Variants in CHRNB4 observed in about 807,000 individuals in gnomAD.
CHRNB4 encodes the protein cholinergic receptor nicotinic beta 4 subunit.
CHRNB4 carries 23 observed loss-of-function variants against 40.4 expected under a neutral mutation model. The observed-to-expected ratio is 0.57, with a 90% CI of 0.41 to 0.81. CHRNB4 has a LOEUF of 0.81. Among genes scored for constraint, CHRNB4 ranks in the 30% least tolerant of loss-of-function variants. CHRNB4 has a pLI of 0.00. For synonymous variants in CHRNB4, 285 were observed against 274.4 expected (o/e 1.04, Z -0.38); for missense variants, 568 against 670.6 (o/e 0.85, Z 1.69).
chr15:78,636,915 G>A (rs928837336), intron 1 of CHRNB4, among the ~76,000 whole-genome samples: 2 of 152,250 alleles, frequency 1.3e-5, no homozygotes, highest in Non-Finnish European at 2.9e-5. Flanking sequence ...TTACAGTGCA[G>A]GGGAGCAGCC....
At chr15:78,626,383 TG>T (rs374986216) in intron 5 of CHRNB4, 27,483 of 77,190 alleles carry the variant, frequency 0.36, 3,120 homozygotes, top group East Asian at 0.55. Flanking sequence ...TGTGTGTGTG[TG>T]TTTCCCCCTT....
In CHRNB4 at chr15:78,640,929, T is replaced by C. The variant is rs906631683; in HGVS notation, c.55+150A>G. 3 of 905,482 alleles carry C rather than the reference T, an allele frequency of 3.3e-6. No homozygotes were observed. The African/African-American group carries it at 5.3e-5, about 16-fold the overall frequency. The allele number at this position is 905,482 out of a possible 1,614,324, so 56.1% of individuals were successfully genotyped here. ...GCCCCCGCTGCCTCAGCGAGTGGGC[T>C]CAGCCCTGCCCACGCCCCCATCTGG... On this transcript the variant is annotated intron_variant, in intron 1 of 5. Coordinates refer to ENST00000261751, the MANE Select transcript of CHRNB4 (RefSeq NM_000750.5).
intron 2 of CHRNB4, among the ~76,000 whole-genome samples, chr15:78,657,685 C>G (rs1194012581): frequency 6.6e-6 from 1 of 152,022 alleles, no homozygotes; most frequent in Non-Finnish European, 1.5e-5. Flanking sequence ...TCCCAAGTAG[C>G]TGGGACTACA....
rs1430333419 is a variant in CHRNB4 at position 78,635,572 on chromosome 15, G to A, written c.71C>T (p.Ala24Val). The A allele has an allele frequency of 6.2e-7, 1 of 1,614,074 alleles. No homozygotes were observed. Among genetic ancestry groups the A allele is most frequent in the Non-Finnish European group, 8.5e-7 (1 of 1,179,994 alleles). Reference sequence around the variant, plus strand: ...GTCCATCAGCTTTTCCTCCGCATTGGCCACGCGGCAGTTCCCTGAGAAAAC... The same window carrying A: ...GTCCATCAGCTTTTCCTCCGCATTGACCACGCGGCAGTTCCCTGAGAAAAC... ...ALCGRGNCRV[A>V]NAEEKLMDDL... Residue 24 changes from alanine to valine, a missense_variant, in exon 2 of 6, where the codon GCC becomes GTC. By Grantham distance (64) the Ala-to-Val change is moderately conservative. Coordinates refer to ENST00000261751, the MANE Select transcript of CHRNB4 (RefSeq NM_000750.5).
chr15:78,645,004 GAC>G (rs1291051363), upstream of CHRNB4, among the ~76,000 whole-genome samples: 1 of 152,090 alleles, frequency 6.6e-6, no homozygotes, highest in African/African-American at 2.4e-5. Context: ...ATCCTGGAGA[GAC>G]TGTTCCTCCC....
At chr15:78,637,331 G>A (rs1277958487) in intron 1 of CHRNB4, among the ~76,000 whole-genome samples, 1 of 152,216 alleles carries the variant, frequency 6.6e-6, no homozygotes, top group East Asian at 1.9e-4. Context: ...CAGGGAGAAT[G>A]TGTAAAGCAT....
chr15:78,645,317 C>T (rs897321836), upstream of CHRNB4, among the ~76,000 whole-genome samples: 1 of 152,150 alleles, frequency 6.6e-6, no homozygotes, highest in African/African-American at 2.4e-5. Context: ...CACATTTCCC[C>T]CCAGCTCCCT....
chr15:78,638,916 T>C (rs911293977), intron 1 of CHRNB4, among the ~76,000 whole-genome samples: 3 of 152,156 alleles, frequency 2.0e-5, no homozygotes, highest in African/African-American at 7.2e-5. Flanking sequence ...AAGCCGCCAC[T>C]AGGGGTCAGT....
intron 6 of CHRNB4, among the ~76,000 whole-genome samples, chr15:78,650,890 G>C (rs1001609255): frequency 6.6e-6 from 1 of 152,156 alleles, no homozygotes; most frequent in East Asian, 1.9e-4. Flanking sequence ...TTGGCAGCGG[G>C]GAAAAATGAA....
intron 6 of CHRNB4, among the ~76,000 whole-genome samples, chr15:78,651,558 C>T (rs1304908437): frequency 1.3e-5 from 2 of 152,244 alleles, no homozygotes; most frequent in African/African-American, 4.8e-5. Context: ...TTCAGCTTCT[C>T]AGATTGACCG....
intron 6 of CHRNB4, among the ~76,000 whole-genome samples, chr15:78,649,949 GTGTT>G (rs893585438): frequency 1.3e-5 from 2 of 152,192 alleles, no homozygotes; most frequent in African/African-American, 4.8e-5. Flanking sequence ...TGGTTCCCAG[GTGTT>G]TGTTATGTGG....
At chr15:78,655,408 C>A (rs1167894239) in intron 5 of CHRNB4, 1 of 148,514 alleles carries the variant, frequency 6.7e-6, no homozygotes, top group Non-Finnish European at 1.5e-5. Context: ...CGTTACATAT[C>A]TATATATATC....
chr15:78,657,408 C>T (rs2054223686), intron 2 of CHRNB4: 1 of 152,176 alleles, frequency 6.6e-6, no homozygotes, highest in African/African-American at 2.4e-5. Context: ...AGTGAATATC[C>T]AGTAAATATT....
At chr15:78,650,456 G>GAA (rs1465249793) in intron 6 of CHRNB4, among the ~76,000 whole-genome samples, 1 of 152,192 alleles carries the variant, frequency 6.6e-6, no homozygotes, top group Non-Finnish European at 1.5e-5. Flanking sequence ...TTGGGCTCCA[G>GAA]ACTCTCTAAT....
chr15:78,629,782 T>C lies in CHRNB4; in HGVS notation c.523A>G (p.Thr175Ala), dbSNP rs774968888. ...ATGTCTATCTCCGTGTGGTCATAGG[T>C]CCAGGAGCGGAACTTGAGGGTGCAG... ...QNCTLKFRSW[T>A]YDHTEIDMVL... Residue 175 changes from threonine to alanine, a missense_variant, in exon 5 of 6, where the codon ACC becomes GCC. Thr to Ala is a moderately conservative substitution (Grantham distance 58, BLOSUM62 0). Around this residue, in one of 4 missense-constraint regions of CHRNB4, gnomAD observed 127 missense variants for 167.4 expected, o/e 0.76. Transcript: ENST00000261751. The surrounding 1 kb of genome is among the most constrained non-coding windows in gnomAD (Gnocchi z 6.8). The C allele has an allele frequency of 6.2e-7, 1 of 1,614,036 alleles. No individual in the cohort carries two copies. Among genetic ancestry groups the C allele is most frequent in the Non-Finnish European group, 8.5e-7 (1 of 1,180,014 alleles).
intron 7 of CHRNB4, among the ~76,000 whole-genome samples, chr15:78,648,064 C>A (rs1192737174): frequency 6.6e-6 from 1 of 151,680 alleles, no homozygotes; most frequent in Non-Finnish European, 1.5e-5. Flanking sequence ...TAAGGGCGAG[C>A]CCTCGTGGAT....
chr15:78,636,807 T>G (rs2053960598), intron 1 of CHRNB4, among the ~76,000 whole-genome samples: 1 of 152,094 alleles, frequency 6.6e-6, no homozygotes. Context: ...GCCCACCAGT[T>G]ATGAATTATC....
At chr15:78,635,653 A>G (rs1365179777) in intron 1 of CHRNB4, 66 bp from the exon 2 acceptor site, 1 of 1,592,356 alleles carries the variant, frequency 6.3e-7, no homozygotes, top group African/African-American at 1.3e-5. Flanking sequence ...AGCCTGTGGC[A>G]GCAGGGAGAG....
rs776890919 is a variant in CHRNB4, at chr15:78,629,974, C to T, written c.360-29G>A. ...GGCAGGGTCAGGGCATGGAGAACAT[C>T]GTGAAACCCATACACAAAACCTGGC... On this transcript the variant is annotated intron_variant, in intron 4 of 5. Transcript: ENST00000261751. The surrounding 1 kb of genome is among the most constrained non-coding windows in gnomAD (Gnocchi z 6.8). The T allele has an allele frequency of 4.7e-5, 71 of 1,520,936 alleles. No individual in the cohort carries two copies. The highest frequency in any genetic ancestry group is 2.9e-4 in the East Asian group (13 of 44,228). The allele number at this position is 1,520,936 out of a possible 1,614,324, so 94.2% of individuals were successfully genotyped here.
Sources: allele counts gnomAD v4.1 joint callset (sites outside exome capture counted in the v4.1 genomes callset), GRCh38; gene constraint gnomAD v4.1.1; regional missense constraint gnomAD v4.1.1; non-coding constraint Gnocchi (gnomAD v3.1); transcripts MANE v1.5; gene names NCBI Gene and HGNC (gene_info 2026-07-23, HGNC 2026-07-21).